TPTE2: variants seen among roughly 807,000 people sequenced by gnomAD.
TPTE2 encodes the protein transmembrane phosphoinositide 3-phosphatase and tensin homolog 2, also known as phosphatidylinositol 3,4,5-trisphosphate 3-phosphatase TPTE2.
A neutral mutation model predicts 78.6 loss-of-function variants in TPTE2; 53 were observed. The observed-to-expected ratio is 0.67, with a 90% CI of 0.54 to 0.85. The LOEUF (loss-of-function observed/expected upper bound fraction) is 0.85. Among genes scored for constraint, TPTE2 ranks in the 40% least tolerant of loss-of-function variants. The probability of loss-of-function intolerance (pLI) is 0.00; values close to 1 mark genes in which losing one functional copy is unlikely to be tolerated. For synonymous variants in TPTE2, 175 were observed against 206.2 expected (o/e 0.85, Z 1.30); for missense variants, 461 against 623.0 (o/e 0.74, Z 2.77).
At chr13:19,506,037 G>T (rs1198986228), upstream of TPTE2, 1 of 151,124 alleles carries the variant, frequency 6.6e-6, no homozygotes, top group Non-Finnish European at 1.5e-5. Flanking sequence ...ATGCCTGACA[G>T]TGAATTTTAC....
At chr13:19,497,478 G>A (rs1262783710) in intron 1 of TPTE2, among the ~76,000 whole-genome samples, 16 of 104,668 alleles carry the variant, frequency 1.5e-4, no homozygotes, top group Non-Finnish European at 2.7e-4. Flanking sequence ...GCCTCCTCAA[G>A]TGGGTCCCTG....
chr13:19,561,023 C>T, the TPTE2 span: 2 of 1,576,914 alleles, frequency 1.3e-6, no homozygotes, highest in South Asian at 2.3e-5. Flanking sequence ...ACAGACCAGG[C>T]AGAGGCGCTT....
chr13:19,544,078 A>AAAAAAAAAAAAAC, the TPTE2 span, among the ~76,000 whole-genome samples: 1 of 149,742 alleles, frequency 6.7e-6, no homozygotes, highest in East Asian at 1.9e-4. Context: ...AAAAAAAAAA[A>AAAAAAAAAAAAAC]AAAAGCCAAG....
chr13:19,466,955 T>C (rs987448436), intron 7 of TPTE2, among the ~76,000 whole-genome samples: 2 of 152,196 alleles, frequency 1.3e-5, no homozygotes, highest in Non-Finnish European at 2.9e-5. Flanking sequence ...GAAGTTAAAG[T>C]TAGTACAAGA....
chr13:19,501,840 T>A (rs1292873636), intron 1 of TPTE2, among the ~76,000 whole-genome samples: 2 of 151,640 alleles, frequency 1.3e-5, no homozygotes, highest in African/African-American at 4.9e-5. Flanking sequence ...CAAAAGAAAC[T>A]ATCATCAGAG....
At chr13:19,536,277 ACT>A (rs1170154205) in intron 1 of TPTE2, among the ~76,000 whole-genome samples, 3 of 152,278 alleles carry the variant, frequency 2.0e-5, no homozygotes, top group East Asian at 1.9e-4. Flanking sequence ...ATTATGAAAC[ACT>A]GTTACATACA....
chr13:19,553,742 C>A, the TPTE2 span, among the ~76,000 whole-genome samples: 1 of 152,106 alleles, frequency 6.6e-6, no homozygotes, highest in African/African-American at 2.4e-5. Context: ...CTAAAAGATG[C>A]AAGCTAATCT....
chr13:19,475,076 T>C (rs1379924013), intron 5 of TPTE2, among the ~76,000 whole-genome samples: 1 of 152,202 alleles, frequency 6.6e-6, no homozygotes, highest in Non-Finnish European at 1.5e-5. Context: ...AATTCCATGA[T>C]AAATTACATT....
intron 1 of TPTE2, among the ~76,000 whole-genome samples, chr13:19,532,977 T>A (rs1213463357): frequency 6.6e-6 from 1 of 152,210 alleles, no homozygotes; most frequent in African/African-American, 2.4e-5. Context: ...CAAGGAGTAC[T>A]TCAGTACACT....
chr13:19,441,016 G>A (rs541663366), intron 13 of TPTE2, among the ~76,000 whole-genome samples: 167 of 152,068 alleles, frequency 1.1e-3, no homozygotes, highest in African/African-American at 3.9e-3. Flanking sequence ...GAACCTGGGG[G>A]GTGGAGGTTG....
intron 5 of TPTE2, among the ~76,000 whole-genome samples, chr13:19,475,083 C>G (rs1879851395): frequency 1.3e-5 from 2 of 152,250 alleles, no homozygotes; most frequent in South Asian, 4.1e-4. Flanking sequence ...TGATAAATTA[C>G]ATTACATTAG....
At chr13:19,525,691 C>A (rs2137730477) in intron 1 of TPTE2, among the ~76,000 whole-genome samples, 1 of 152,222 alleles carries the variant, frequency 6.6e-6, no homozygotes, top group Non-Finnish European at 1.5e-5. Flanking sequence ...CAAAAACAGA[C>A]AAGTGGAACC....
chr13:19,471,409 AG>A (rs1212067594), intron 6 of TPTE2, among the ~76,000 whole-genome samples: 4 of 151,862 alleles, frequency 2.6e-5, no homozygotes, highest in Non-Finnish European at 5.9e-5. Context: ...GATATGATTT[AG>A]TTTCTTGTTT....
At chr13:19,456,966 C>T (rs1325944677) in intron 10 of TPTE2, among the ~76,000 whole-genome samples, 1 of 152,178 alleles carries the variant, frequency 6.6e-6, no homozygotes, top group Non-Finnish European at 1.5e-5. Context: ...ATGGTCTGGA[C>T]TTAAGTATAG....
Position 19,489,591 on chromosome 13 carries a change from T to TAG in TPTE2, c.119+3257_119+3258dup, listed in dbSNP as rs1480126395. ...ATATCTATACATAGATATGTATATA[T>TAG]AGATATATATATACACACATTTAAA... On this transcript the variant is annotated intron_variant, in intron 3 of 19. Coordinates refer to ENST00000400230, the Ensembl canonical transcript of TPTE2. Among the ~76,000 whole-genome samples the TAG allele has an allele frequency of 4.7e-5, 7 of 150,312 alleles. 1 individual carries two copies. In the South Asian group the frequency reaches 1.3e-3, roughly 27 times the overall value.
intron 10 of TPTE2, among the ~76,000 whole-genome samples, chr13:19,456,706 C>CA (rs1878557005): frequency 6.6e-6 from 1 of 152,124 alleles, no homozygotes; most frequent in South Asian, 2.1e-4. Context: ...AATATTTTTA[C>CA]ATGTCAAGTC....
At chr13:19,538,047 T>C (rs1276348205), upstream of TPTE2, among the ~76,000 whole-genome samples, 1 of 152,252 alleles carries the variant, frequency 6.6e-6, no homozygotes, top group Middle Eastern at 3.2e-3. Flanking sequence ...AGTGATTATA[T>C]GTGAATATTT....
At chr13:19,485,165 T>C (rs1199597359) in intron 3 of TPTE2, among the ~76,000 whole-genome samples, 1 of 152,196 alleles carries the variant, frequency 6.6e-6, no homozygotes, top group African/African-American at 2.4e-5. Flanking sequence ...AAGTTTTGCA[T>C]GTTTTTATGA....
In TPTE2 at chr13:19,493,491, TTGTC is replaced by T. The variant is rs771517457; in HGVS notation, c.18_21del (p.Glu9LeufsTer33). On this transcript the variant is annotated frameshift_variant, in exon 2 of 20. Transcript: ENST00000400230. LOFTEE classifies it high-confidence loss of function. ...TCCTCGGTTGTTCCTTTAAATTCGT[TTGTC>T]TGTGGACTAGCGGATGATAAGAGAA... 538 of 1,613,676 alleles carry T rather than the reference TTGTC, an allele frequency of 3.3e-4. No homozygotes were observed. The highest frequency in any genetic ancestry group is 4.3e-4 in the Non-Finnish European group (506 of 1,179,844).
Sources: allele counts gnomAD v4.1 joint callset (sites outside exome capture counted in the v4.1 genomes callset), GRCh38; gene constraint gnomAD v4.1.1; transcripts MANE v1.5; gene names NCBI Gene and HGNC (gene_info 2026-07-23, HGNC 2026-07-21).